CC2D2A: variants seen among roughly 807,000 people sequenced by gnomAD.
CC2D2A encodes coiled-coil and C2 domain-containing protein 2A.
A neutral mutation model predicts 212.9 loss-of-function variants in CC2D2A; 155 were observed. The observed-to-expected ratio is 0.73, with a 90% CI of 0.64 to 0.83. CC2D2A has a LOEUF of 0.83. CC2D2A is among the 40% of genes least tolerant of loss of function. The pLI, the probability that CC2D2A is intolerant of heterozygous loss-of-function variation, is 0.00. For missense variants in CC2D2A, 1,856 were observed against 1,956.2 expected (o/e 0.95, Z 0.97); for synonymous variants, 667 against 686.5 (o/e 0.97, Z 0.44).
intron 35 of CC2D2A, among the ~76,000 whole-genome samples, chr4:15,599,089 G>C (rs545712428): frequency 2.6e-5 from 4 of 152,250 alleles, no homozygotes; most frequent in Non-Finnish European, 5.9e-5. Context: ...TTGAGCCCGA[G>C]AGTTGAGGAT....
intron 8 of CC2D2A, among the ~76,000 whole-genome samples, chr4:15,512,206 T>A (rs1272370394): frequency 6.6e-6 from 1 of 152,192 alleles, no homozygotes; most frequent in Non-Finnish European, 1.5e-5. Flanking sequence ...TCAATTCCAC[T>A]CTGTGTATAT....
intron 4 of CC2D2A, chr4:15,482,119 G>A: frequency 1.0e-6 from 1 of 985,396 alleles, no homozygotes. Context: ...TTTTCCCTAT[G>A]GCAAAGTTGG....
In CC2D2A at chr4:15,575,065, T is replaced by C. The variant is rs557331512; in HGVS notation, c.3771+739T>C. ...AAGAAATAAATGTCTTCCTGTAACA[T>C]AGTTGTATAGCATTTATACATACTG... On this transcript the variant is annotated intron_variant, in intron 29 of 36. Transcript: ENST00000424120. 1.9e-3 allele frequency among the ~76,000 whole-genome samples: 289 copies of C among 152,362 alleles called. 1 individual carries two copies. Among genetic ancestry groups the C allele is most frequent in the African/African-American group, 6.5e-3 (271 of 41,592 alleles).
chr4:15,558,812 TG>T (rs903809530), intron 21 of CC2D2A, among the ~76,000 whole-genome samples: 2 of 152,206 alleles, frequency 1.3e-5, no homozygotes, highest in African/African-American at 4.8e-5. Context: ...TATATGATTA[TG>T]GTAATGTGTT....
intron 17 of CC2D2A, among the ~76,000 whole-genome samples, chr4:15,549,237 A>C (rs939512824): frequency 6.6e-6 from 1 of 152,122 alleles, no homozygotes; most frequent in Non-Finnish European, 1.5e-5. Flanking sequence ...TCCATAAAAG[A>C]CTTTTTAGTA....
rs1720922343 is a variant in CC2D2A at position 15,587,864 on chromosome 4, T to C, written c.4114T>C (p.Leu1372=). 2 of 1,613,556 alleles carry C rather than the reference T, an allele frequency of 1.2e-6. No individual in the cohort carries two copies. Among genetic ancestry groups the C allele is most frequent in the East Asian group, 4.5e-5 (2 of 44,872 alleles). ...AGDEEEHAVL[L]CNYFLSLGKK... ...GGATGAAGAAGAACATGCAGTACTA[T>C]TGTGTAATTACTTTCTGTCTCTGGG... is the stretch of plus-strand genomic sequence containing the variant. Residue 1372 remains leucine (L), a synonymous_variant, in exon 32 of 37, where the codon TTG becomes CTG. Coordinates refer to ENST00000424120, the MANE Select transcript of CC2D2A (RefSeq NM_001378615.1).
At chr4:15,518,007 C>T (rs1274967822) in intron 11 of CC2D2A, among the ~76,000 whole-genome samples, 2 of 152,256 alleles carry the variant, frequency 1.3e-5, no homozygotes, top group East Asian at 1.9e-4. Context: ...ACCTCCCACC[C>T]GGTTCCTCCC....
chr4:15,527,289 C>T lies in CC2D2A; in HGVS notation c.1150-158C>T, dbSNP rs141072393. On this transcript the variant is annotated intron_variant, in intron 11 of 36. Transcript: ENST00000424120. ...GTTCAAATATTCAAAAAAGAGCTGG[C>T]CTCTAAAACCTGGAAATAAGTAATC... Among the ~76,000 whole-genome samples, 959 of 152,268 alleles carry T rather than the reference C, an allele frequency of 6.3e-3. 5 individuals are homozygous for T. Among genetic ancestry groups the T allele is most frequent in the African/African-American group, 0.021 (884 of 41,554 alleles).
chr4:15,519,064 A>G (rs752006201), intron 11 of CC2D2A, among the ~76,000 whole-genome samples: 3 of 152,126 alleles, frequency 2.0e-5, no homozygotes, highest in Non-Finnish European at 4.4e-5. Context: ...TTTCTATTAC[A>G]TTGTAAGGCT....
At chr4:15,599,184 C>T (rs1166831430) in intron 35 of CC2D2A, among the ~76,000 whole-genome samples, 1 of 152,146 alleles carries the variant, frequency 6.6e-6, no homozygotes, top group Non-Finnish European at 1.5e-5. Flanking sequence ...TAATAATAAA[C>T]TTTTGCTGCA....
chr4:15,498,961 G>A (rs1715770477), intron 4 of CC2D2A, among the ~76,000 whole-genome samples: 1 of 152,168 alleles, frequency 6.6e-6, no homozygotes, highest in Admixed American at 6.5e-5. Context: ...CTCTCAGCTG[G>A]TCACAGTCTG....
At position 15,567,666 on chromosome 4, in the gene CC2D2A, T is replaced by G; in HGVS notation, c.3289-11T>G. The G allele has an allele frequency of 6.3e-7, 1 of 1,578,664 alleles. No homozygotes were observed. Among genetic ancestry groups the G allele is most frequent in the African/African-American group, 1.4e-5 (1 of 73,172 alleles). On this transcript the variant is annotated splice_polypyrimidine_tract_variant and intron_variant, in intron 25 of 36. Transcript: ENST00000424120. The stretch of plus-strand genomic sequence containing the variant: ...ACCATTGGGAACTCAGAATTTGCTC[T>G]TGATTTTAAGGTTTTAGTACGTCCC...
In CC2D2A at chr4:15,516,872, A is replaced by G. The variant is rs1716905414; in HGVS notation, c.1149+116A>G. 5.0e-6 allele frequency: 5 copies of G among 999,358 alleles called. No individual in the cohort carries two copies. In the Admixed American group the frequency reaches 1.2e-4, roughly 24 times the overall value. 61.9% of individuals were successfully genotyped at this position (999,358 alleles called of 1,614,324 possible). A position where few individuals can be genotyped will look rare whatever the true frequency, so the allele number is the denominator to read the frequency against. On this transcript the variant is annotated intron_variant, in intron 11 of 36. Transcript: ENST00000424120. ...ACTTTAATTTTTTAAATAATTCACT[A>G]TCTTACACATAAAGAACAAACATCA...
At chr4:15,511,221 T>C in intron 7 of CC2D2A, 26 bp from the exon 8 acceptor site, 2 of 1,574,356 alleles carry the variant, frequency 1.3e-6, no homozygotes, top group Non-Finnish European at 1.7e-6. Context: ...AATGGGAAAT[T>C]GCGATTGCTC....
chr4:15,587,825 G>A lies in CC2D2A; in HGVS notation c.4075G>A (p.Asp1359Asn), dbSNP rs1273882127. Residue 1359 changes from aspartate (D) to asparagine (N), a missense_variant, in exon 32 of 37, where the codon GAT becomes AAT. Coordinates refer to ENST00000424120, the MANE Select transcript of CC2D2A (RefSeq NM_001378615.1). ...DLWSTSDQFL[D>N]LLAGDEEEHA... ...TTTTTCTTTTTGTCAGCAATTTCTT[G>A]ATCTCCTGGCAGGGGATGAAGAAGA... The A allele has an allele frequency of 6.3e-7, 1 of 1,598,866 alleles. No individual in the cohort carries two copies.
intron 14 of CC2D2A, among the ~76,000 whole-genome samples, chr4:15,535,022 T>G (rs756964662): frequency 2.0e-5 from 3 of 151,918 alleles, no homozygotes; most frequent in Non-Finnish European, 2.9e-5. Flanking sequence ...AAAAGGTTAG[T>G]TTTCAGGACA....
chr4:15,548,091 A>T (rs1718802500), intron 17 of CC2D2A, among the ~76,000 whole-genome samples: 1 of 151,524 alleles, frequency 6.6e-6, no homozygotes, highest in African/African-American at 2.4e-5. Context: ...ATCTTAAGAG[A>T]GTAGGAAATA....
intron 33 of CC2D2A, among the ~76,000 whole-genome samples, chr4:15,594,977 A>C (rs921801795): frequency 2.0e-5 from 3 of 151,548 alleles, no homozygotes; most frequent in African/African-American, 4.9e-5. Flanking sequence ...CTTCTCAAAA[A>C]AAAAAAAATT....
intron 1 of CC2D2A, among the ~76,000 whole-genome samples, chr4:15,472,592 T>C (rs953334538): frequency 1.1e-4 from 16 of 151,276 alleles, no homozygotes; most frequent in African/African-American, 3.9e-4. Context: ...TTCTTCCATA[T>C]AAAGCATTTA....
Sources: gnomAD v4.1 joint callset for allele counts (sites outside exome capture counted in the v4.1 genomes callset) on GRCh38, gnomAD v4.1.1 for gene constraint, MANE v1.5 for transcripts, NCBI Gene and HGNC (gene_info 2026-07-23, HGNC 2026-07-21) for gene names.